SEMA3A: variants seen among roughly 807,000 people sequenced by gnomAD.
SEMA3A encodes the protein semaphorin 3A, also known as semaphorin-3A.
SEMA3A carries 29 observed loss-of-function variants against 97.9 expected under a neutral mutation model. That is an observed-to-expected ratio of 0.30 (90% CI 0.22 to 0.40). The LOEUF (loss-of-function observed/expected upper bound fraction) is 0.40. Among genes scored for constraint, SEMA3A ranks in the 10% least tolerant of loss-of-function variants. The pLI is 1.00. For synonymous variants in SEMA3A, 321 were observed against 323.7 expected (o/e 0.99, Z 0.09); for missense variants, 763 against 951.3 (o/e 0.80, Z 2.60).
chr7:84,294,300 T>C (rs1328898091), intron 3 of SEMA3A, among the ~76,000 whole-genome samples: 1 of 152,068 alleles, frequency 6.6e-6, no homozygotes, highest in Non-Finnish European at 1.5e-5. Flanking sequence ...TTCCCCACTT[T>C]TAATTTTCAC....
intron 2 of SEMA3A, among the ~76,000 whole-genome samples, chr7:84,308,266 G>T (rs1339250119): frequency 6.6e-6 from 1 of 152,098 alleles, no homozygotes; most frequent in African/African-American, 2.4e-5. Context: ...CTTACTGTGT[G>T]ATAGGATTAG....
chr7:84,218,735 A>C (rs1210699928), intron 3 of SEMA3A, among the ~76,000 whole-genome samples: 1 of 152,062 alleles, frequency 6.6e-6, no homozygotes, highest in Non-Finnish European at 1.5e-5. Flanking sequence ...ATTTAGCATG[A>C]CCTTATCTTC....
intron 12 of SEMA3A, among the ~76,000 whole-genome samples, chr7:83,990,930 AT>A (rs1259050091): frequency 6.6e-6 from 1 of 152,120 alleles, no homozygotes; most frequent in African/African-American, 2.4e-5. Context: ...TTTTCACGAT[AT>A]TGATTCTTCC....
upstream of SEMA3A, among the ~76,000 whole-genome samples, chr7:84,199,496 C>G (rs1562848600): frequency 6.6e-6 from 1 of 151,894 alleles, no homozygotes. Flanking sequence ...TTTTAGTATT[C>G]TTGGCAAGGT....
chr7:84,003,019 A>AT (rs1432538195), intron 11 of SEMA3A, among the ~76,000 whole-genome samples: 3 of 152,288 alleles, frequency 2.0e-5, no homozygotes, highest in African/African-American at 7.2e-5. Flanking sequence ...ACTAAACTTG[A>AT]TCAAATCTAG....
intron 14 of SEMA3A, 130 bp from the exon 15 acceptor site, chr7:83,977,326 G>A: frequency 2.4e-6 from 1 of 413,296 alleles, no homozygotes; most frequent in Non-Finnish European, 4.2e-6. Context: ...AGGAACAGAT[G>A]AATCTACATC....
intron 1 of SEMA3A, among the ~76,000 whole-genome samples, chr7:84,439,449 G>A (rs923042707): frequency 1.3e-5 from 2 of 152,130 alleles, no homozygotes; most frequent in Non-Finnish European, 2.9e-5. Context: ...TGCAATGCTA[G>A]TTTTATTTAC....
intron 3 of SEMA3A, among the ~76,000 whole-genome samples, chr7:84,261,120 C>T (rs760474639): frequency 6.6e-6 from 1 of 152,146 alleles, no homozygotes; most frequent in Non-Finnish European, 1.5e-5. Flanking sequence ...ATTGGGATGA[C>T]CTGGCTGTGG....
At chr7:84,176,502 G>GA (rs1264627211) in intron 1 of SEMA3A, among the ~76,000 whole-genome samples, 1 of 152,098 alleles carries the variant, frequency 6.6e-6, no homozygotes. Context: ...AGATGGTATG[G>GA]AACATCACTA....
intron 1 of SEMA3A, among the ~76,000 whole-genome samples, chr7:84,406,558 C>T (rs922266754): frequency 3.4e-4 from 52 of 152,216 alleles, no homozygotes; most frequent in African/African-American, 1.2e-3. Context: ...ATGAGGCCAA[C>T]ATCATCCTGA....
At chr7:84,224,369 C>T (rs757307124) in intron 3 of SEMA3A, among the ~76,000 whole-genome samples, 9 of 151,882 alleles carry the variant, frequency 5.9e-5, no homozygotes, top group Non-Finnish European at 1.2e-4. Context: ...TAATTGTGTT[C>T]TCTGTGTGAC....
At chr7:84,471,729 CCCCAACCA>C (rs1300913841) in intron 1 of SEMA3A, among the ~76,000 whole-genome samples, 2 of 152,052 alleles carry the variant, frequency 1.3e-5, no homozygotes, top group African/African-American at 4.8e-5. Flanking sequence ...TCCCCAATTC[CCCCAACCA>C]AAAAGAAACA....
At chr7:84,265,293 C>A (rs943160969) in intron 3 of SEMA3A, among the ~76,000 whole-genome samples, 1 of 151,726 alleles carries the variant, frequency 6.6e-6, no homozygotes, top group Non-Finnish European at 1.5e-5. Context: ...GATCTCTGCA[C>A]CCAATTCCAG....
chr7:84,171,098 T>C (rs986918421), intron 1 of SEMA3A, among the ~76,000 whole-genome samples: 1 of 152,104 alleles, frequency 6.6e-6, no homozygotes, highest in Admixed American at 6.5e-5. Flanking sequence ...TGGAATACAC[T>C]ATCACACTGA....
rs189533544 is a variant in SEMA3A, at chr7:84,168,841, T to A, written c.112+25634A>T. ...ATATTTTAATGTAAACTTTTACAAT[T>A]ATCTTCAGTATCTAAATTTATCAGA... On this transcript the variant is annotated intron_variant, in intron 1 of 16. Transcript: ENST00000265362. 2.0e-5 allele frequency among the ~76,000 whole-genome samples: 3 copies of A among 152,002 alleles called. No individual in the cohort carries two copies. The East Asian group carries it at 5.8e-4, about 29-fold the overall frequency.
chr7:83,976,488 A>G (rs1194908557), intron 15 of SEMA3A, among the ~76,000 whole-genome samples: 1 of 152,104 alleles, frequency 6.6e-6, no homozygotes, highest in African/African-American at 2.4e-5. Context: ...CAATTATGGA[A>G]AGTGGGGCAT....
intron 1 of SEMA3A, among the ~76,000 whole-genome samples, chr7:84,376,824 T>A (rs1803116130): frequency 6.6e-6 from 1 of 151,758 alleles, no homozygotes; most frequent in Non-Finnish European, 1.5e-5. Context: ...TTCAGATTAT[T>A]TGCATATTTT....
chr7:84,058,276 A>G (rs1003217726), intron 5 of SEMA3A, among the ~76,000 whole-genome samples: 8 of 152,204 alleles, frequency 5.3e-5, no homozygotes, highest in Admixed American at 2.0e-4. Flanking sequence ...GGTTTTCCCA[A>G]TGGCCATTTT....
chr7:84,295,634 G>C (rs1163930451), intron 3 of SEMA3A, among the ~76,000 whole-genome samples: 1 of 151,814 alleles, frequency 6.6e-6, no homozygotes, highest in Admixed American at 6.6e-5. Context: ...TCTATTCTAA[G>C]TCTAATTTTG....
Sources: allele counts gnomAD v4.1 joint callset (sites outside exome capture counted in the v4.1 genomes callset), GRCh38; gene constraint gnomAD v4.1.1; transcripts MANE v1.5; gene names NCBI Gene and HGNC (gene_info 2026-07-23, HGNC 2026-07-21).